The following CPEB1 variants were observed in gnomAD, a reference collection of about 807,000 sequenced individuals.
CPEB1 encodes cytoplasmic polyadenylation element-binding protein 1.
CPEB1 carries 7 observed loss-of-function variants against 65.8 expected under a neutral mutation model. The ratio of observed to expected loss-of-function variants is 0.11; its 90% CI spans 0.06 to 0.20. CPEB1 has a LOEUF of 0.20. Among genes scored for constraint, CPEB1 ranks in the 10% least tolerant of loss-of-function variants. The pLI, the probability that CPEB1 is intolerant of heterozygous loss-of-function variation, is 1.00. For synonymous variants in CPEB1, 262 were observed against 260.0 expected (o/e 1.01, Z -0.08); for missense variants, 551 against 712.2 (o/e 0.77, Z 2.58).
intron 4 of CPEB1, among the ~76,000 whole-genome samples, chr15:82,561,446 G>A (rs190805708): frequency 5.6e-4 from 85 of 152,302 alleles, no homozygotes; most frequent in Non-Finnish European, 1.1e-3. Flanking sequence ...AGCTCTGAGA[G>A]TTGTCAAGGG....
At chr15:82,570,199 G>A (rs1183673037) in intron 4 of CPEB1, among the ~76,000 whole-genome samples, 2 of 152,038 alleles carry the variant, frequency 1.3e-5, no homozygotes, top group Non-Finnish European at 2.9e-5. Flanking sequence ...GACACAACGG[G>A]CCCAGGCTCT....
intron 3 of CPEB1, among the ~76,000 whole-genome samples, chr15:82,576,365 G>A (rs1469313783): frequency 6.6e-6 from 1 of 152,200 alleles, no homozygotes; most frequent in Non-Finnish European, 1.5e-5. Context: ...ATATTTTGAT[G>A]AGAGTGAGGA....
Position 82,628,387 on chromosome 15 carries a change from C to T in CPEB1, c.73G>A (p.Asp25Asn), listed in dbSNP as rs10400906. ...GTGLEHSSLSDCLLLIPLEEE... is the reference protein window; with the variant it reads ...GTGLEHSSLSNCLLLIPLEEE... ...ACCAGAGGAATTAGCAGAAGACAAT[C>T]TGATAGAGATGAGTGCTCCAAACCA... The change falls in exon 2 of 13, where the codon GAT becomes AAT. Residue 25 changes from aspartate to asparagine, a missense_variant. Asp to Asn is a conservative substitution (Grantham distance 23, BLOSUM62 1). Around this residue, in one of 6 missense-constraint regions of CPEB1, gnomAD observed 223 missense variants for 228.6 expected, o/e 0.98. Transcript: ENST00000684509. The T allele has an allele frequency of 0.41, 285,494 of 702,532 alleles. 58,896 individuals are homozygous for T. The highest frequency in any genetic ancestry group is 0.49 in the East Asian group (18,390 of 37,248). 43.5% of individuals were successfully genotyped at this position (702,532 alleles called of 1,614,324 possible). A position where few individuals can be genotyped will look rare whatever the true frequency, so the allele number is the denominator to read the frequency against.
intron 4 of CPEB1, among the ~76,000 whole-genome samples, chr15:82,559,232 A>G (rs2037776612): frequency 6.6e-6 from 1 of 152,164 alleles, no homozygotes; most frequent in Admixed American, 6.5e-5. Context: ...CGAGACACAC[A>G]TGCCATTGAT....
chr15:82,562,633 A>G (rs759891680), intron 4 of CPEB1, among the ~76,000 whole-genome samples: 30 of 152,176 alleles, frequency 2.0e-4, no homozygotes, highest in Non-Finnish European at 3.8e-4. Flanking sequence ...TGAGACCAGG[A>G]GTTCAAGACC....
intron 6 of CPEB1, among the ~76,000 whole-genome samples, chr15:82,554,974 C>A (rs975104237): frequency 6.6e-6 from 1 of 152,116 alleles, no homozygotes; most frequent in African/African-American, 2.4e-5. Flanking sequence ...CAGGGCACAG[C>A]ACTATCAGAG....
chr15:82,618,816 T>TA (rs748341830), intron 3 of CPEB1, among the ~76,000 whole-genome samples: 2 of 152,178 alleles, frequency 1.3e-5, no homozygotes, highest in Non-Finnish European at 2.9e-5. Context: ...AAAGACCAGA[T>TA]AAGCAAAGGG....
chr15:82,626,273 A>C (rs1361344888), intron 3 of CPEB1, among the ~76,000 whole-genome samples: 1 of 150,982 alleles, frequency 6.6e-6, no homozygotes, highest in African/African-American at 2.4e-5. Context: ...ATCTCTACTA[A>C]AAATACAAAA....
Sources: gnomAD v4.1 joint callset for allele counts (sites outside exome capture counted in the v4.1 genomes callset) on GRCh38, gnomAD v4.1.1 for gene constraint, gnomAD v4.1.1 regional missense constraint, MANE v1.5 for transcripts, NCBI Gene and HGNC (gene_info 2026-07-23, HGNC 2026-07-21) for gene names.